Variants in MYL5 observed in about 807,000 individuals in gnomAD.
MYL5 encodes myosin light chain 5.
A neutral mutation model predicts 20.8 loss-of-function variants in MYL5; 28 were observed. That is an observed-to-expected ratio of 1.35 (90% CI 1.00 to 1.84). MYL5 has a LOEUF of 1.84. MYL5 is among the 40% of genes most tolerant of loss of function. The pLI is 0.00. For synonymous variants in MYL5, 118 were observed against 87.4 expected, an observed-to-expected ratio of 1.35 and a Z score of -1.95; for missense variants, 274 against 227.3, an observed-to-expected ratio of 1.21 and a Z score of -1.32.
rs145094027 is a variant in MYL5 at position 680,227 on chromosome 4, C to T, written c.292+209C>T. 4.7e-3 allele frequency among the ~76,000 whole-genome samples: 716 copies of T among 152,288 alleles called. 3 individuals are homozygous for T. The highest frequency in any genetic ancestry group is 7.5e-3 in the Non-Finnish European group (509 of 68,012). On this transcript the variant is annotated intron_variant, in intron 4 of 6. Coordinates refer to ENST00000400159, the Ensembl canonical transcript of MYL5. The stretch of plus-strand genomic sequence containing the variant: ...CTGCCCCACGTGCTGTGTGACCCGC[C>T]GTCGACACCTCTGTCCCTCACTCAT...
In MYL5 at chr4:680,594, G is replaced by T. The variant is rs746865065; in HGVS notation, c.371+7G>T. 1.2e-6 allele frequency: 2 copies of T among 1,611,762 alleles called. No individual in the cohort carries two copies. The highest frequency in any genetic ancestry group is 1.7e-6 in the Non-Finnish European group (2 of 1,179,700). ...GGAAAATCAACAAGGAGTAGTGAGTGCCCGGGCGGCCAGGGCGGCCCGGCT... is the reference window on the plus strand; with the variant it reads ...GGAAAATCAACAAGGAGTAGTGAGTTCCCGGGCGGCCAGGGCGGCCCGGCT... On this transcript the variant is annotated splice_region_variant and intron_variant, in intron 5 of 6. Coordinates refer to ENST00000400159, the Ensembl canonical transcript of MYL5.
exon 4 of MYL5, chr4:679,935 A>G: frequency 6.2e-7 from 1 of 1,613,776 alleles, no homozygotes; most frequent in Non-Finnish European, 8.5e-7. Context: ...GTCAAGGACG[A>G]CGAGCTGGAC....
At position 678,648 on chromosome 4, in the gene MYL5, C is replaced by A. The variant is rs1298613095; in HGVS notation, c.4-10C>A. The A allele has an allele frequency of 6.3e-7, 1 of 1,598,974 alleles. No homozygotes were observed. On this transcript the variant is annotated splice_polypyrimidine_tract_variant and intron_variant, in intron 1 of 6. Coordinates refer to ENST00000400159, the Ensembl canonical transcript of MYL5. ...GCCCAGGACCCTCAGCCATGGTGCT[C>A]CCACCGCAGGCCAGCAGGAAGACCA...
chr4:678,443 C>G (rs1739076775), intron 1 of MYL5: 5 of 1,427,562 alleles, frequency 3.5e-6, no homozygotes, highest in Non-Finnish European at 4.6e-6. Flanking sequence ...GTCCCTCCCC[C>G]AGTCCCTGTG....
At chr4:680,516 C>T (rs781187589) in exon 5 of MYL5, 12 of 1,613,210 alleles carry the variant, frequency 7.4e-6, no homozygotes, top group Admixed American at 3.3e-5. Flanking sequence ...CAGGTACCGA[C>T]GCCGAGGAGA....
At chr4:681,269 G>T (rs904102150) in intron 6 of MYL5, 129 bp downstream of exon 8, 69 of 1,127,892 alleles carry the variant, frequency 6.1e-5, no homozygotes, top group Non-Finnish European at 8.4e-5. Flanking sequence ...ACAGGCCCCC[G>T]GGGGGCTCCC....
At chr4:680,304 C>G (rs978577328) in intron 4 of MYL5, among the ~76,000 whole-genome samples, 14 of 152,154 alleles carry the variant, frequency 9.2e-5, no homozygotes, top group Non-Finnish European at 1.6e-4. Flanking sequence ...CACCCCAAAA[C>G]TCACTACACC....
upstream of MYL5, among the ~76,000 whole-genome samples, chr4:676,660 CG>C (rs1254130594): frequency 6.6e-6 from 1 of 152,302 alleles, no homozygotes; most frequent in African/African-American, 2.4e-5. Flanking sequence ...CCGGTGGCCT[CG>C]GGGGGCCTCC....
chr4:680,813 A>C (rs1560155519), intron 5 of MYL5: 2 of 632,326 alleles, frequency 3.2e-6, no homozygotes, highest in Non-Finnish European at 5.5e-6. Context: ...GCTTCCCCTC[A>C]GCCCACTCCT....
chr4:677,937 G>A lies in MYL5; in HGVS notation c.-90G>A, dbSNP rs1035955917. On this transcript the variant is annotated 5_prime_UTR_variant, in exon 1 of 7. Coordinates refer to ENST00000400159, the Ensembl canonical transcript of MYL5. The stretch of plus-strand genomic sequence containing the variant: ...GTCCTTGTAGGGAGTGGCAGCCGGA[G>A]TCTGAACTGTCCTGGGGGACCAAGC... 2.0e-5 allele frequency: 33 copies of A among 1,610,024 alleles called. No individual in the cohort carries two copies. In the Middle Eastern group the frequency reaches 6.6e-4, roughly 32 times the overall value.
At chr4:678,526 G>C (rs1394638492) in intron 1 of MYL5, 132 bp from the exon 4 acceptor site, 4 of 1,455,924 alleles carry the variant, frequency 2.7e-6, no homozygotes, top group Non-Finnish European at 3.6e-6. Context: ...ATGCTCCTCA[G>C]CTGTCTGGCC....
chr4:681,005 C>A, intron 5 of MYL5, 87 bp from the exon 8 acceptor site: 1 of 1,466,842 alleles, frequency 6.8e-7, no homozygotes, highest in Non-Finnish European at 9.3e-7. Context: ...GCGAGTACAA[C>A]CTGGGGCCCC....
At chr4:681,245 G>A (rs557968992) in intron 6 of MYL5, 105 bp downstream of exon 8, 5 of 1,385,176 alleles carry the variant, frequency 3.6e-6, no homozygotes, top group Non-Finnish European at 4.9e-6. Flanking sequence ...GCCGCGGTTA[G>A]GACCCAGGAC....
intron 6 of MYL5, 193 bp from the exon 9 acceptor site, chr4:681,681 CCCCGCCCCCTCCAGCGCCG>C (rs1204246939): frequency 2.3e-5 from 1 of 43,000 alleles, no homozygotes; most frequent in East Asian, 6.0e-4. Flanking sequence ...TCCAGCGCCG[CCCCGCCCCCTCCAGCGCCG>C]CCCCGCCCCC....
chr4:674,563 T>C, upstream of MYL5: 1 of 449,386 alleles, frequency 2.2e-6, no homozygotes, highest in Non-Finnish European at 4.0e-6. Context: ...GGGCTGGGGG[T>C]CCGCTGTTTC....
At position 678,776 on chromosome 4, in the gene MYL5, C is replaced by G; in HGVS notation, c.111+11C>G. ...CAGGAGTTCAAGGAGGTGAGACTTT[C>G]CTGCTTCACTGGGAGCCCCCACCCC... is the stretch of plus-strand genomic sequence containing the variant. On this transcript the variant is annotated intron_variant, in intron 2 of 6. Coordinates refer to ENST00000400159, the Ensembl canonical transcript of MYL5. 1 of 1,608,442 alleles carries G rather than the reference C, an allele frequency of 6.2e-7. No individual in the cohort carries two copies. The highest frequency in any genetic ancestry group is 8.5e-7 in the Non-Finnish European group (1 of 1,177,622).
Position 680,141 on chromosome 4 carries a change from G to A in MYL5, c.292+123G>A, listed in dbSNP as rs964519471. The A allele has an allele frequency of 4.0e-6, 4 of 995,706 alleles. No homozygotes were observed. In the African/African-American group the frequency reaches 4.9e-5, roughly 12 times the overall value. 61.7% of individuals were successfully genotyped at this position (995,706 alleles called of 1,614,324 possible). A position where few individuals can be genotyped will look rare whatever the true frequency, so the allele number is the denominator to read the frequency against. On this transcript the variant is annotated intron_variant, in intron 4 of 6. Coordinates refer to ENST00000400159, the Ensembl canonical transcript of MYL5. Reference sequence around the variant, plus strand: ...AGAAGCCCTAGGGCCTGGCACTCTGGGAGCCAACAACTGTGGGGCCCCGTC... The same window carrying A: ...AGAAGCCCTAGGGCCTGGCACTCTGAGAGCCAACAACTGTGGGGCCCCGTC...
At chr4:676,455 T>G (rs1257318351), upstream of MYL5, 3 of 152,226 alleles carry the variant, frequency 2.0e-5, no homozygotes, top group African/African-American at 4.8e-5. Context: ...AGGCCTTTCC[T>G]GAGAGCTTAG....
intron 5 of MYL5, chr4:680,796 T>TG: frequency 6.2e-6 from 4 of 642,548 alleles, no homozygotes; most frequent in Non-Finnish European, 1.1e-5. Flanking sequence ...CCGGTGGGGG[T>TG]GGGGCGGCTT....
Sources: gnomAD v4.1 joint callset for allele counts (sites outside exome capture counted in the v4.1 genomes callset) on GRCh38, gnomAD v4.1.1 for gene constraint, MANE v1.5 for transcripts, NCBI Gene and HGNC (gene_info 2026-07-23, HGNC 2026-07-21) for gene names.